Variants in ERBB4 observed in about 807,000 individuals in gnomAD.
ERBB4 encodes erb-b2 receptor tyrosine kinase 4, also known as receptor tyrosine-protein kinase erbB-4.
In ERBB4, 42 loss-of-function variants were observed where a neutral mutation model predicts 158.0. The ratio of observed to expected loss-of-function variants is 0.27; its 90% CI spans 0.21 to 0.34. The LOEUF (loss-of-function observed/expected upper bound fraction) is 0.34, where lower values mean the gene tolerates loss of function less well. ERBB4 is among the 10% of genes least tolerant of loss of function. The pLI is 1.00. For synonymous variants in ERBB4, 583 were observed against 558.7 expected, an observed-to-expected ratio of 1.04 and a Z score of -0.61; for missense variants, 1,333 against 1,624.1, an observed-to-expected ratio of 0.82 and a Z score of 3.08.
intron 11 of ERBB4, among the ~76,000 whole-genome samples, chr2:211,702,452 C>G (rs988023960): frequency 1.3e-5 from 2 of 152,058 alleles, no homozygotes; most frequent in African/African-American, 4.8e-5. Context: ...CTTCCCACCC[C>G]AAGACTTAAC....
chr2:211,554,081 G>T (rs1189287056), intron 20 of ERBB4, among the ~76,000 whole-genome samples: 1 of 152,154 alleles, frequency 6.6e-6, no homozygotes. Context: ...AGATAAAATG[G>T]TATGCTCCCC....
At chr2:212,293,329 C>T (rs1283038974) in intron 1 of ERBB4, among the ~76,000 whole-genome samples, 1 of 151,874 alleles carries the variant, frequency 6.6e-6, no homozygotes, top group Non-Finnish European at 1.5e-5. Flanking sequence ...AATCTCATCT[C>T]ACAATTTAAT....
At chr2:211,658,074 T>TA in intron 15 of ERBB4, 1 of 1,009,710 alleles carries the variant, frequency 9.9e-7, no homozygotes. Flanking sequence ...ATATTGATTG[T>TA]CTCGAATTCT....
intron 1 of ERBB4, among the ~76,000 whole-genome samples, chr2:212,436,813 G>C (rs1010711897): frequency 6.6e-6 from 1 of 152,008 alleles, no homozygotes; most frequent in Non-Finnish European, 1.5e-5. Context: ...ACTTTTGCAG[G>C]TTAGACTTAA....
intron 25 of ERBB4, among the ~76,000 whole-genome samples, chr2:211,413,156 A>G (rs1040200083): frequency 5.3e-5 from 8 of 151,404 alleles, no homozygotes; most frequent in African/African-American, 1.7e-4. Flanking sequence ...TTTTTAAATT[A>G]CCCGGGCATG....
chr2:211,893,945 A>C (rs1369974319), intron 3 of ERBB4, among the ~76,000 whole-genome samples: 2 of 125,270 alleles, frequency 1.6e-5, no homozygotes, highest in Non-Finnish European at 3.3e-5. Context: ...AAATAGGAAC[A>C]CTTTGACACT....
chr2:211,391,306 G>A (rs1261752091), intron 25 of ERBB4, among the ~76,000 whole-genome samples: 1 of 152,134 alleles, frequency 6.6e-6, no homozygotes, highest in Non-Finnish European at 1.5e-5. Flanking sequence ...AAAATGAGCT[G>A]GAGTGACCTT....
chr2:212,503,705 C>G (rs1031922678), intron 1 of ERBB4, among the ~76,000 whole-genome samples: 2 of 152,198 alleles, frequency 1.3e-5, no homozygotes, highest in Non-Finnish European at 2.9e-5. Flanking sequence ...CTACTTTGTT[C>G]TGTCATGCTG....
intron 1 of ERBB4, among the ~76,000 whole-genome samples, chr2:212,238,800 A>T (rs1235548944): frequency 6.7e-6 from 1 of 149,530 alleles, no homozygotes; most frequent in Non-Finnish European, 1.5e-5. Context: ...GTTGCCAGCA[A>T]TTTTTTTTTT....
At chr2:211,559,863 G>C (rs2125716309) in intron 20 of ERBB4, among the ~76,000 whole-genome samples, 1 of 152,248 alleles carries the variant, frequency 6.6e-6, no homozygotes, top group South Asian at 2.1e-4. Flanking sequence ...TAGACAGAGA[G>C]ATAGTAAAAG....
At chr2:212,318,601 A>G (rs1468390315) in intron 1 of ERBB4, among the ~76,000 whole-genome samples, 1 of 151,664 alleles carries the variant, frequency 6.6e-6, no homozygotes, top group African/African-American at 2.4e-5. Flanking sequence ...TATTTTATCT[A>G]GAACATTTTA....
chr2:212,462,957 T>G (rs770958557), intron 1 of ERBB4, among the ~76,000 whole-genome samples: 10 of 152,096 alleles, frequency 6.6e-5, no homozygotes, highest in Non-Finnish European at 1.0e-4. Context: ...TATGGCAACA[T>G]GGATGAGCCA....
At chr2:212,335,723 A>G (rs551002994) in intron 1 of ERBB4, among the ~76,000 whole-genome samples, 1 of 152,154 alleles carries the variant, frequency 6.6e-6, no homozygotes, top group Admixed American at 6.6e-5. Context: ...TTTAAAACGT[A>G]AAGAACGAGA....
rs145388404 is a variant in ERBB4 at position 211,791,486 on chromosome 2, T to C, written c.422-3327A>G. On this transcript the variant is annotated intron_variant, in intron 3 of 27. Coordinates refer to ENST00000342788, the MANE Select transcript of ERBB4 (RefSeq NM_005235.3). ...CATTTAATTGATACTCAAAGAAAGA[T>C]GCAAAGTGTCTGGATGAGTGCAGAA... Among the ~76,000 whole-genome samples the C allele has an allele frequency of 5.1e-4, 78 of 151,546 alleles. 1 individual carries two copies. In the East Asian group the frequency reaches 0.012, roughly 23 times the overall value.
At chr2:212,393,973 A>T (rs1165014438) in intron 1 of ERBB4, among the ~76,000 whole-genome samples, 1 of 152,142 alleles carries the variant, frequency 6.6e-6, no homozygotes, top group Non-Finnish European at 1.5e-5. Flanking sequence ...CAAATGCTAA[A>T]TATGGCAAAA....
chr2:211,913,619 A>ATG (rs34762084), intron 3 of ERBB4, among the ~76,000 whole-genome samples: 3,136 of 132,732 alleles, frequency 0.024, 63 homozygotes, highest in African/African-American at 0.059. Flanking sequence ...ATATATATAT[A>ATG]TGTGTGTGTG....
intron 2 of ERBB4, among the ~76,000 whole-genome samples, chr2:212,057,907 A>G (rs552122041): frequency 6.6e-6 from 1 of 152,346 alleles, no homozygotes; most frequent in East Asian, 1.9e-4. Context: ...AAAAGCTAGC[A>G]GAAGGCAAGA....
intron 1 of ERBB4, among the ~76,000 whole-genome samples, chr2:212,188,472 C>T (rs2082096465): frequency 6.6e-6 from 1 of 151,860 alleles, no homozygotes; most frequent in South Asian, 2.1e-4. Flanking sequence ...GTTCTCTCCA[C>T]TGTAACCAGA....
intron 1 of ERBB4, among the ~76,000 whole-genome samples, chr2:212,448,362 A>G (rs1466731781): frequency 6.6e-6 from 1 of 152,190 alleles, no homozygotes. Flanking sequence ...CTGTTTATAC[A>G]CTGTTTGAAA....
Sources: gnomAD v4.1 joint callset for allele counts (sites outside exome capture counted in the v4.1 genomes callset) on GRCh38, gnomAD v4.1.1 for gene constraint, MANE v1.5 for transcripts, NCBI Gene and HGNC (gene_info 2026-07-23, HGNC 2026-07-21) for gene names.